FANCL: variants seen among roughly 807,000 people sequenced by gnomAD.
FANCL encodes FA complementation group L.
FANCL carries 69 observed loss-of-function variants against 59.4 expected under a neutral mutation model. The ratio of observed to expected loss-of-function variants is 1.16; its 90% CI spans 0.96 to 1.42. The LOEUF (loss-of-function observed/expected upper bound fraction) is 1.42, where lower values mean the gene tolerates loss of function less well. Among genes scored for constraint, FANCL ranks in the 40% most tolerant of loss-of-function variants. The pLI, the probability that FANCL is intolerant of heterozygous loss-of-function variation, is 0.00. For synonymous variants in FANCL, 180 were observed against 147.1 expected (o/e 1.22, Z -1.62); for missense variants, 519 against 447.2 (o/e 1.16, Z -1.45).
intron 2 of FANCL, among the ~76,000 whole-genome samples, chr2:58,231,609 AG>A (rs1338195377): frequency 6.6e-6 from 1 of 152,182 alleles, no homozygotes; most frequent in Non-Finnish European, 1.5e-5. Flanking sequence ...CTAAATTTTC[AG>A]TCTCATATCC....
intron 5 of FANCL, among the ~76,000 whole-genome samples, chr2:58,219,140 T>TAAAAAAAAAAAA: frequency 6.0e-5 from 1 of 16,604 alleles, no homozygotes; most frequent in Non-Finnish European, 1.3e-4. Context: ...AAATACATGC[T>TAAAAAAAAAAAA]AAAAAAAAAA....
chr2:58,215,366 A>C (rs1402586349), intron 5 of FANCL, among the ~76,000 whole-genome samples: 1 of 152,232 alleles, frequency 6.6e-6, no homozygotes, highest in East Asian at 1.9e-4. Context: ...TCATGAATAA[A>C]TATCAACCAG....
At chr2:58,177,816 CA>C (rs570582054) in intron 7 of FANCL, among the ~76,000 whole-genome samples, 11 of 145,596 alleles carry the variant, frequency 7.6e-5, no homozygotes, top group Admixed American at 2.7e-4. Flanking sequence ...AAAGAAAAAA[CA>C]AAAAAAACCC....
chr2:58,204,348 G>C (rs905600595), intron 5 of FANCL, 122 bp from the exon 6 acceptor site: 8 of 799,968 alleles, frequency 1.0e-5, no homozygotes, highest in Admixed American at 7.7e-5. Flanking sequence ...ATAAAAATCA[G>C]AGCAATTTCT....
At chr2:58,196,213 C>T (rs942090880) in intron 7 of FANCL, among the ~76,000 whole-genome samples, 5 of 151,782 alleles carry the variant, frequency 3.3e-5, no homozygotes, top group Admixed American at 2.0e-4. Flanking sequence ...TAAACAGTTA[C>T]TACTTAAAGG....
chr2:58,169,928 T>C (rs181706802), intron 7 of FANCL, among the ~76,000 whole-genome samples: 252 of 152,258 alleles, frequency 1.7e-3, no homozygotes, highest in African/African-American at 5.8e-3. Flanking sequence ...CTATGTTTGA[T>C]TGGTGTGCCT....
At chr2:58,168,782 C>G (rs768411699) in intron 7 of FANCL, among the ~76,000 whole-genome samples, 3 of 152,092 alleles carry the variant, frequency 2.0e-5, no homozygotes, top group African/African-American at 4.8e-5. Context: ...TCCACCATTA[C>G]TGAGGCTTGA....
At chr2:58,239,365 G>A (rs933295142) in intron 1 of FANCL, among the ~76,000 whole-genome samples, 1 of 152,140 alleles carries the variant, frequency 6.6e-6, no homozygotes, top group Non-Finnish European at 1.5e-5. Context: ...AAATGCATTA[G>A]CTGAATTTAA....
intron 3 of FANCL, among the ~76,000 whole-genome samples, chr2:58,227,478 G>A (rs1477237530): frequency 2.0e-5 from 3 of 152,140 alleles, no homozygotes; most frequent in African/African-American, 4.8e-5. Flanking sequence ...CCCTGGCGTC[G>A]GGTTGCTCAG....
At chr2:58,171,767 T>C (rs369662044) in intron 7 of FANCL, among the ~76,000 whole-genome samples, 1 of 152,220 alleles carries the variant, frequency 6.6e-6, no homozygotes, top group African/African-American at 2.4e-5. Context: ...AGACAGTGGG[T>C]GCAGTGCACC....
chr2:58,192,499 A>C (rs980453755), intron 7 of FANCL, among the ~76,000 whole-genome samples: 22 of 151,968 alleles, frequency 1.4e-4, no homozygotes, highest in Admixed American at 6.6e-5. Flanking sequence ...AGGGTGACAA[A>C]GGAAAATTAA....
chr2:58,188,303 G>C (rs58973226), intron 7 of FANCL, among the ~76,000 whole-genome samples: 2 of 152,054 alleles, frequency 1.3e-5, no homozygotes, highest in Admixed American at 6.6e-5. Flanking sequence ...GAAAAAAGTA[G>C]ATTTTTAAGT....
At chr2:58,170,528 A>G (rs1686472594) in intron 7 of FANCL, among the ~76,000 whole-genome samples, 1 of 152,210 alleles carries the variant, frequency 6.6e-6, no homozygotes, top group Admixed American at 6.5e-5. Flanking sequence ...ATTTACACAT[A>G]AATGTAAACG....
chr2:58,226,703 T>C (rs1391975526), intron 4 of FANCL, 25 bp downstream of exon 4: 4 of 1,556,618 alleles, frequency 2.6e-6, no homozygotes, highest in Non-Finnish European at 3.5e-6. Context: ...ATGGTAACAG[T>C]GTCAGAAAAA....
chr2:58,228,208 G>A (rs545039630), intron 3 of FANCL, among the ~76,000 whole-genome samples: 6 of 152,074 alleles, frequency 3.9e-5, no homozygotes, highest in Admixed American at 3.9e-4. Flanking sequence ...GGCAAAAAAG[G>A]AAATAATCTC....
rs756372082 is a variant in FANCL, at chr2:58,167,205, C to T, written c.541-1331G>A. ...CCAGCCTGGTGACAGAGCTAGACTC[C>T]GTCTCAAAAAGAAAAAAAAGGTGTG... On this transcript the variant is annotated intron_variant, in intron 7 of 13. Coordinates refer to ENST00000233741, the MANE Select transcript of FANCL (RefSeq NM_018062.4). Among the ~76,000 whole-genome samples, 6 of 152,126 alleles carry T rather than the reference C, an allele frequency of 3.9e-5. No individual in the cohort carries two copies. In the South Asian group the frequency reaches 1.0e-3, roughly 26 times the overall value.
At chr2:58,241,181 G>A (rs1033877050) in intron 1 of FANCL, 37 bp downstream of exon 1, 5 of 1,596,538 alleles carry the variant, frequency 3.1e-6, no homozygotes, top group African/African-American at 2.7e-5. Context: ...CGCTGCAAGA[G>A]GCTCTCTTAG....
At chr2:58,237,903 G>A (rs953019419) in intron 1 of FANCL, among the ~76,000 whole-genome samples, 6 of 152,160 alleles carry the variant, frequency 3.9e-5, no homozygotes, top group African/African-American at 1.4e-4. Context: ...TGATCTCTCT[G>A]TTGTATCATA....
At chr2:58,182,778 T>C (rs1184501368) in intron 7 of FANCL, among the ~76,000 whole-genome samples, 2 of 151,680 alleles carry the variant, frequency 1.3e-5, no homozygotes, top group African/African-American at 4.8e-5. Flanking sequence ...CTCTGAATAA[T>C]GTGTCTACTG....
Sources: gnomAD v4.1 joint callset for allele counts (sites outside exome capture counted in the v4.1 genomes callset) on GRCh38, gnomAD v4.1.1 for gene constraint, MANE v1.5 for transcripts, NCBI Gene and HGNC (gene_info 2026-07-23, HGNC 2026-07-21) for gene names.